KLRG1: variants seen among roughly 807,000 people sequenced by gnomAD.
KLRG1 encodes killer cell lectin-like receptor subfamily G member 1.
In KLRG1, 16 loss-of-function variants were observed where a neutral mutation model predicts 21.8. The observed-to-expected ratio is 0.73, with a 90% CI of 0.50 to 1.11. The LOEUF (loss-of-function observed/expected upper bound fraction) is 1.11, where lower values mean the gene tolerates loss of function less well. KLRG1 is among the 50% of genes most tolerant of loss of function. The pLI is 0.00. For missense variants in KLRG1, 173 were observed against 218.3 expected (o/e 0.79, Z 1.31); for synonymous variants, 69 against 75.9 (o/e 0.91, Z 0.47).
the KLRG1 span, among the ~76,000 whole-genome samples, chr12:9,088,231 C>T: frequency 6.7e-6 from 1 of 149,974 alleles, no homozygotes; most frequent in African/African-American, 2.5e-5. Context: ...AGGGGGGTGA[C>T]ATTAACCTTT....
chr12:9,079,974 A>G, the KLRG1 span: 1 of 949,510 alleles, frequency 1.1e-6, no homozygotes, highest in Non-Finnish European at 1.5e-6. Context: ...AACAAGCCCA[A>G]AGAAGAAGAG....
intron 1 of KLRG1, among the ~76,000 whole-genome samples, chr12:8,978,456 A>T (rs755066769): frequency 2.0e-5 from 3 of 152,210 alleles, no homozygotes. Context: ...AATTACAGAC[A>T]TGAACCACTG....
chr12:9,068,888 C>T, the KLRG1 span: 1 of 1,403,654 alleles, frequency 7.1e-7, no homozygotes. Context: ...AAGCTTTCTT[C>T]TCTCTTTGAA....
the KLRG1 span, among the ~76,000 whole-genome samples, chr12:9,137,218 T>C: frequency 6.6e-6 from 1 of 152,188 alleles, no homozygotes; most frequent in African/African-American, 2.4e-5. Context: ...TGGTGTAAGA[T>C]AAACATCAAA....
At chr12:8,983,897 T>C (rs1170426279) in intron 1 of KLRG1, among the ~76,000 whole-genome samples, 1 of 152,200 alleles carries the variant, frequency 6.6e-6, no homozygotes, top group Non-Finnish European at 1.5e-5. Flanking sequence ...TTCCTTCTGT[T>C]TATCTTGATG....
the KLRG1 span, among the ~76,000 whole-genome samples, chr12:9,207,056 T>G: frequency 6.6e-6 from 1 of 152,168 alleles, no homozygotes; most frequent in African/African-American, 2.4e-5. Context: ...CAGGAAATTG[T>G]GCAAGGAAAA....
chr12:9,066,201 C>G, the KLRG1 span: 1 of 152,440 alleles, frequency 6.6e-6, no homozygotes, highest in Admixed American at 6.5e-5. Flanking sequence ...GTAACACAAA[C>G]AGGGCTGCAA....
At chr12:9,152,951 T>A in the KLRG1 span, 1 of 1,614,040 alleles carries the variant, frequency 6.2e-7, no homozygotes, top group African/African-American at 1.3e-5. Context: ...TTCATGGATG[T>A]CTGTGAAACA....
chr12:9,185,689 A>G, the KLRG1 span, among the ~76,000 whole-genome samples: 1 of 152,098 alleles, frequency 6.6e-6, no homozygotes, highest in African/African-American at 2.4e-5. Context: ...GTAGCTAGAG[A>G]GAAAGGACAA....
chr12:9,082,989 G>A, the KLRG1 span, among the ~76,000 whole-genome samples: 7 of 152,176 alleles, frequency 4.6e-5, no homozygotes, highest in Non-Finnish European at 8.8e-5. Flanking sequence ...CTGAGGAATC[G>A]CCACATTGAC....
the KLRG1 span, among the ~76,000 whole-genome samples, chr12:9,181,476 T>C: frequency 6.6e-6 from 1 of 152,198 alleles, no homozygotes; most frequent in Non-Finnish European, 1.5e-5. Context: ...AATTATCTAA[T>C]GCTTTGGCGA....
At chr12:9,046,991 A>C in the KLRG1 span, among the ~76,000 whole-genome samples, 1 of 152,150 alleles carries the variant, frequency 6.6e-6, no homozygotes, top group Non-Finnish European at 1.5e-5. Context: ...AGTAGCTGAA[A>C]CTACAGGCAC....
At chr12:9,006,518 G>A (rs1432003696) in intron 3 of KLRG1, among the ~76,000 whole-genome samples, 1 of 152,206 alleles carries the variant, frequency 6.6e-6, no homozygotes, top group East Asian at 1.9e-4. Flanking sequence ...AGATTGTGTA[G>A]GACTGTGCGT....
the KLRG1 span, chr12:9,165,212 G>A: frequency 6.2e-7 from 1 of 1,614,188 alleles, no homozygotes; most frequent in Non-Finnish European, 8.5e-7. Context: ...CACAGAGTAA[G>A]GCATTGTGAG....
the KLRG1 span, chr12:9,165,380 G>A: frequency 6.2e-7 from 1 of 1,613,464 alleles, no homozygotes; most frequent in African/African-American, 1.3e-5. Flanking sequence ...GGGGAGGAGG[G>A]CAAGTGAAGA....
At chr12:9,083,145 AAAAC>A in the KLRG1 span, among the ~76,000 whole-genome samples, 1 of 152,194 alleles carries the variant, frequency 6.6e-6, no homozygotes, top group African/African-American at 2.4e-5. Context: ...CAAGGACAGA[AAAAC>A]AAACACCGCA....
At chr12:9,043,610 T>C in the KLRG1 span, among the ~76,000 whole-genome samples, 1 of 152,220 alleles carries the variant, frequency 6.6e-6, no homozygotes, top group East Asian at 1.9e-4. Flanking sequence ...TAACAATGTG[T>C]GTTTCCAAAG....
At chr12:8,950,433 C>T (rs1946177180) in intron 1 of KLRG1, among the ~76,000 whole-genome samples, 1 of 152,180 alleles carries the variant, frequency 6.6e-6, no homozygotes, top group African/African-American at 2.4e-5. Flanking sequence ...TTCCTTATGT[C>T]TTACTAGCCA....
chr12:8,989,359 A>T (rs900902703), upstream of KLRG1, among the ~76,000 whole-genome samples: 3 of 152,242 alleles, frequency 2.0e-5, no homozygotes, highest in African/African-American at 7.2e-5. Context: ...CTTGAGAGCA[A>T]TTTTTCCTTG....
Sources: allele counts gnomAD v4.1 joint callset (sites outside exome capture counted in the v4.1 genomes callset), GRCh38; gene constraint gnomAD v4.1.1; transcripts MANE v1.5; gene names NCBI Gene and HGNC (gene_info 2026-07-23, HGNC 2026-07-21).